Variants in WWTR1 observed in about 807,000 individuals in gnomAD.
The protein encoded by WWTR1 is WW domain-containing transcription regulator protein 1.
WWTR1 carries 13 observed loss-of-function variants against 40.1 expected under a neutral mutation model. The ratio of observed to expected loss-of-function variants is 0.32; its 90% confidence interval spans 0.21 to 0.52. The LOEUF (loss-of-function observed/expected upper bound fraction) is 0.52, where lower values mean the gene tolerates loss of function less well. Ranked by LOEUF, WWTR1 falls within the 20% of genes least tolerant of loss-of-function variation. The pLI is 0.97. For synonymous variants in WWTR1, 230 were observed against 210.1 expected, an observed-to-expected ratio of 1.09 and a Z score of -0.82; for missense variants, 436 against 523.1, an observed-to-expected ratio of 0.83 and a Z score of 1.63.
At chr3:149,600,153 A>G (rs1398243252) in intron 2 of WWTR1, among the ~76,000 whole-genome samples, 2 of 151,940 alleles carry the variant, frequency 1.3e-5, no homozygotes, top group African/African-American at 4.8e-5. Context: ...AAATTTTTGT[A>G]TCTTCCAGGG....
At chr3:149,703,007 A>G (rs188084109) in intron 1 of WWTR1, 1 of 152,356 alleles carries the variant, frequency 6.6e-6, no homozygotes. Flanking sequence ...GTTAACATTT[A>G]CTATGGAGTT....
chr3:149,599,251 T>C (rs1253696539), intron 2 of WWTR1, among the ~76,000 whole-genome samples: 2 of 152,244 alleles, frequency 1.3e-5, no homozygotes, highest in African/African-American at 4.8e-5. Flanking sequence ...TGGATTGTTC[T>C]TGGACCTTCT....
rs558883798 is a variant in WWTR1, at chr3:149,617,126, C to T, written c.431+39750G>A. ...AACCAGCACACCCAGTTTTACCTCC[C>T]GCTTTGGAACAGATAGCTGAGAAGA... On this transcript the variant is annotated intron_variant, in intron 2 of 6. Transcript: ENST00000360632. Among the ~76,000 whole-genome samples the T allele has an allele frequency of 9.2e-5, 14 of 152,314 alleles. No individual in the cohort carries two copies. The South Asian group carries it at 1.9e-3, about 20-fold the overall frequency.
At chr3:149,586,969 G>C (rs1738459658) in intron 2 of WWTR1, among the ~76,000 whole-genome samples, 1 of 152,148 alleles carries the variant, frequency 6.6e-6, no homozygotes, top group African/African-American at 2.4e-5. Context: ...TCTTCCACCT[G>C]GCTGTTCATC....
At chr3:149,642,682 G>T (rs1712247519) in intron 2 of WWTR1, among the ~76,000 whole-genome samples, 1 of 151,942 alleles carries the variant, frequency 6.6e-6, no homozygotes, top group Non-Finnish European at 1.5e-5. Context: ...GGCTGAGGCA[G>T]GAGAATGGCC....
chr3:149,560,764 G>A lies in WWTR1; in HGVS notation c.568+12100C>T, dbSNP rs1002179157. The stretch of plus-strand genomic sequence containing the variant: ...ATATAATACTGAAAAGGAAAAGGAC[G>A]AAAATAATATGGAATGAAATGCATG... On this transcript the variant is annotated intron_variant, in intron 3 of 6. Transcript: ENST00000360632. 3.3e-5 allele frequency among the ~76,000 whole-genome samples: 5 copies of A among 151,984 alleles called. No individual in the cohort carries two copies. The East Asian group carries it at 7.7e-4, about 23-fold the overall frequency.
chr3:149,659,875 G>T (rs1713492745), upstream of WWTR1: 1 of 150,192 alleles, frequency 6.7e-6, no homozygotes, highest in South Asian at 2.1e-4. Context: ...TAGACTGGAA[G>T]AAATTAGGGC....
chr3:149,542,274 T>G lies in WWTR1; in HGVS notation c.771+61A>C, dbSNP rs577673650. Reference sequence around the variant, plus strand: ...ATTACCCTGAAGGTAAGCAGCTACCTACCCATCAGCTTTGGCACCAAGGCC... The same window carrying G: ...ATTACCCTGAAGGTAAGCAGCTACCGACCCATCAGCTTTGGCACCAAGGCC... On this transcript the variant is annotated intron_variant, in intron 4 of 6. Transcript: ENST00000360632. The G allele has an allele frequency of 9.0e-5, 140 of 1,561,082 alleles. 4 individuals carry two copies. The South Asian group carries it at 1.7e-3, about 19-fold the overall frequency.
chr3:149,669,968 T>C (rs1355288234), intron 1 of WWTR1: 1 of 151,986 alleles, frequency 6.6e-6, no homozygotes, highest in Non-Finnish European at 1.5e-5. Flanking sequence ...CTGTCAATAG[T>C]GAAGGAGGAG....
At chr3:149,524,327 GTT>G (rs3044124) in intron 6 of WWTR1, among the ~76,000 whole-genome samples, 39 of 139,316 alleles carry the variant, frequency 2.8e-4, no homozygotes, top group Middle Eastern at 3.8e-3. Flanking sequence ...CTCTTTTATG[GTT>G]TTTTTTTTTT....
intron 2 of WWTR1, among the ~76,000 whole-genome samples, chr3:149,585,643 T>C (rs945040161): frequency 6.6e-6 from 1 of 152,166 alleles, no homozygotes; most frequent in Non-Finnish European, 1.5e-5. Context: ...ACTGCCCTTG[T>C]TGGTAATGAG....
At chr3:149,627,628 G>C (rs1166856775) in intron 2 of WWTR1, among the ~76,000 whole-genome samples, 2 of 152,166 alleles carry the variant, frequency 1.3e-5, no homozygotes, top group Non-Finnish European at 2.9e-5. Context: ...AAACCAAACA[G>C]AGATATCCAT....
At chr3:149,704,608 A>C (rs566095642), upstream of WWTR1, among the ~76,000 whole-genome samples, 32 of 152,366 alleles carry the variant, frequency 2.1e-4, no homozygotes, top group African/African-American at 7.5e-4. Context: ...CATTCTAGGA[A>C]GGAGAGGAGA....
intron 1 of WWTR1, among the ~76,000 whole-genome samples, chr3:149,687,691 G>C (rs75113403): frequency 0.027 from 4,148 of 152,268 alleles, 127 homozygotes; most frequent in East Asian, 0.13. Context: ...GGTGGCCATG[G>C]GAAAGACAGC....
At position 149,684,180 on chromosome 3, in the gene WWTR1, T is replaced by A. The variant is rs994602558; in HGVS notation, c.-107-14289A>T. Among the ~76,000 whole-genome samples the A allele has an allele frequency of 2.1e-4, 30 of 145,018 alleles. 1 individual carries two copies. The South Asian group carries it at 3.0e-3, about 15-fold the overall frequency. On this transcript the variant is annotated intron_variant, in intron 1 of 7. Coordinates refer to the WWTR1 transcript ENST00000465804. Reference sequence around the variant, plus strand: ...TTTTTAACATTTTTTATTTAGAAAATATATATATATATAATCACATAAGTA... The same window carrying A: ...TTTTTAACATTTTTTATTTAGAAAAAATATATATATATAATCACATAAGTA...
At chr3:149,541,942 T>G (rs1331612094) in intron 4 of WWTR1, among the ~76,000 whole-genome samples, 3 of 152,156 alleles carry the variant, frequency 2.0e-5, no homozygotes, top group Non-Finnish European at 4.4e-5. Context: ...CAGAAGAATA[T>G]CCCAGGTGAG....
intron 2 of WWTR1, among the ~76,000 whole-genome samples, chr3:149,625,013 G>T (rs746782903): frequency 6.6e-6 from 1 of 151,040 alleles, no homozygotes; most frequent in South Asian, 2.1e-4. Flanking sequence ...TTATATGTGT[G>T]AGCCACCATG....
chr3:149,585,027 A>G (rs1163365949), intron 2 of WWTR1, among the ~76,000 whole-genome samples: 1 of 152,218 alleles, frequency 6.6e-6, no homozygotes, highest in Non-Finnish European at 1.5e-5. Flanking sequence ...AAAAATCAAT[A>G]AACACCTTAT....
intron 2 of WWTR1, among the ~76,000 whole-genome samples, chr3:149,620,283 C>T (rs1009494841): frequency 9.9e-5 from 15 of 152,114 alleles, no homozygotes; most frequent in African/African-American, 3.6e-4. Flanking sequence ...GCACACAGAG[C>T]ATAAACAGAG....
Sources: gnomAD v4.1 joint callset for allele counts (sites outside exome capture counted in the v4.1 genomes callset) on GRCh38, gnomAD v4.1.1 for gene constraint, MANE v1.5 for transcripts, NCBI Gene and HGNC (gene_info 2026-07-23, HGNC 2026-07-21) for gene names.